CADPS2: variants seen among roughly 807,000 people sequenced by gnomAD.
The protein encoded by CADPS2 is calcium dependent secretion activator 2.
A neutral mutation model predicts 172.5 loss-of-function variants in CADPS2; 93 were observed. The ratio of observed to expected loss-of-function variants is 0.54; its 90% CI spans 0.46 to 0.64. The LOEUF (loss-of-function observed/expected upper bound fraction) is 0.64. Among genes scored for constraint, CADPS2 ranks in the 30% least tolerant of loss-of-function variants. The probability of loss-of-function intolerance (pLI) is 0.00; values close to 1 mark genes in which losing one functional copy is unlikely to be tolerated. For missense variants in CADPS2, 1,420 were observed against 1,565.9 expected, an observed-to-expected ratio of 0.91 and a Z score of 1.57; for synonymous variants, 546 against 555.2, an observed-to-expected ratio of 0.98 and a Z score of 0.23.
rs144338281 is a variant in CADPS2 at position 122,374,408 on chromosome 7, CAAATAAAATA to C, written c.3387+4950_3387+4959del. ...GGGAGTCCTAGCCAAAGTAAGTAGA[CAAATAAAATA>C]AAATAAAATAAAATAAATAAGTAAA... On this transcript the variant is annotated intron_variant, in intron 25 of 29. Transcript: ENST00000449022. Among the ~76,000 whole-genome samples, 36 of 147,652 alleles carry C rather than the reference CAAATAAAATA, an allele frequency of 2.4e-4. No homozygotes were observed. In the East Asian group the frequency reaches 5.5e-3, roughly 23 times the overall value.
intron 3 of CADPS2, among the ~76,000 whole-genome samples, chr7:122,649,214 T>C (rs906960912): frequency 1.3e-5 from 2 of 152,130 alleles, no homozygotes; most frequent in Non-Finnish European, 2.9e-5. Flanking sequence ...ATCCATTTCA[T>C]GATCCTCATG....
intron 24 of CADPS2, among the ~76,000 whole-genome samples, chr7:122,380,397 T>C (rs2042852743): frequency 6.6e-6 from 1 of 152,066 alleles, no homozygotes; most frequent in African/African-American, 2.4e-5. Flanking sequence ...AGTACTCAGG[T>C]CAATATAAAC....
chr7:122,478,700 G>A (rs1451775522), intron 12 of CADPS2, among the ~76,000 whole-genome samples: 1 of 152,118 alleles, frequency 6.6e-6, no homozygotes, highest in African/African-American at 2.4e-5. Context: ...AGGTGGCATA[G>A]AAAATGATGT....
intron 2 of CADPS2, among the ~76,000 whole-genome samples, chr7:122,692,419 G>A (rs1176819028): frequency 6.6e-6 from 1 of 152,214 alleles, no homozygotes. Context: ...CTGCAGCACA[G>A]TTACAAACGC....
intron 7 of CADPS2, among the ~76,000 whole-genome samples, chr7:122,575,328 T>C (rs1043352336): frequency 1.3e-5 from 2 of 152,086 alleles, no homozygotes; most frequent in African/African-American, 2.4e-5. Context: ...ACTCTGAATA[T>C]TGACTGCATA....
At chr7:122,813,653 A>G (rs947512627) in intron 1 of CADPS2, among the ~76,000 whole-genome samples, 5 of 152,130 alleles carry the variant, frequency 3.3e-5, no homozygotes, top group African/African-American at 1.2e-4. Flanking sequence ...GCAAAGGGGC[A>G]TTCTGACAAT....
chr7:122,492,198 A>AAATT (rs1180227164), intron 9 of CADPS2, among the ~76,000 whole-genome samples: 1 of 151,846 alleles, frequency 6.6e-6, no homozygotes, highest in Non-Finnish European at 1.5e-5. Context: ...ATAAATAAAT[A>AAATT]AATTAATTAA....
chr7:122,397,805 C>T (rs2045355618), intron 20 of CADPS2, among the ~76,000 whole-genome samples: 1 of 152,088 alleles, frequency 6.6e-6, no homozygotes, highest in Non-Finnish European at 1.5e-5. Context: ...TTGTAAGAGG[C>T]AAGTTCTTAA....
intron 1 of CADPS2, among the ~76,000 whole-genome samples, chr7:122,769,692 A>G (rs1054234845): frequency 2.6e-5 from 4 of 152,226 alleles, no homozygotes; most frequent in Admixed American, 2.6e-4. Context: ...AGTGGATTAA[A>G]TACCTTCACC....
At chr7:122,533,841 T>C (rs965818384) in intron 8 of CADPS2, among the ~76,000 whole-genome samples, 2 of 152,202 alleles carry the variant, frequency 1.3e-5, no homozygotes, top group African/African-American at 4.8e-5. Context: ...CTAATCAGTG[T>C]ATCCATATGC....
At chr7:122,526,841 A>C (rs746261090) in intron 8 of CADPS2, among the ~76,000 whole-genome samples, 34 of 151,998 alleles carry the variant, frequency 2.2e-4, no homozygotes, top group Admixed American at 7.9e-4. Flanking sequence ...TTTACTCCCC[A>C]CACAAGACTG....
intron 8 of CADPS2, among the ~76,000 whole-genome samples, chr7:122,542,882 T>C (rs13226509): frequency 0.11 from 16,178 of 152,034 alleles, 1,053 homozygotes; most frequent in African/African-American, 0.18. Flanking sequence ...CATAAACACA[T>C]ACAGTTCTCA....
At chr7:122,351,797 A>T (rs1382941057) in intron 27 of CADPS2, among the ~76,000 whole-genome samples, 1 of 152,200 alleles carries the variant, frequency 6.6e-6, no homozygotes, top group Non-Finnish European at 1.5e-5. Flanking sequence ...TTAGGTAGTC[A>T]TATTACTTTT....
intron 28 of CADPS2, among the ~76,000 whole-genome samples, chr7:122,330,374 A>T (rs1487475981): frequency 6.6e-6 from 1 of 152,178 alleles, no homozygotes; most frequent in Non-Finnish European, 1.5e-5. Context: ...ATGCACTACA[A>T]TTTCACCAGT....
chr7:122,358,529 A>G (rs189550051), intron 27 of CADPS2, among the ~76,000 whole-genome samples: 3 of 152,130 alleles, frequency 2.0e-5, no homozygotes, highest in Admixed American at 2.0e-4. Context: ...TCATCACCAA[A>G]TCCAAGGCCA....
chr7:122,470,298 G>C (rs773478684), intron 14 of CADPS2, among the ~76,000 whole-genome samples: 33 of 151,868 alleles, frequency 2.2e-4, no homozygotes, highest in African/African-American at 5.3e-4. Context: ...GAATGTTAAG[G>C]GGCACTATGG....
In CADPS2 at chr7:122,619,310, A is replaced by G. The variant is rs2075310481; in HGVS notation, c.1104+2171T>C. On this transcript the variant is annotated intron_variant, in intron 5 of 29. Transcript: ENST00000449022. ...AAATTATAAAAGTTATTTGCTCTAC[A>G]AATTATTTTTTTCATCAATAAATTT... 2.0e-5 allele frequency among the ~76,000 whole-genome samples: 3 copies of G among 152,146 alleles called. No individual in the cohort carries two copies. The South Asian group carries it at 6.2e-4, about 32-fold the overall frequency.
chr7:122,568,495 A>G (rs1463856065), intron 7 of CADPS2, among the ~76,000 whole-genome samples: 1 of 152,156 alleles, frequency 6.6e-6, no homozygotes, highest in African/African-American at 2.4e-5. Flanking sequence ...GCTATATAAT[A>G]TAATATTTAC....
intron 3 of CADPS2, among the ~76,000 whole-genome samples, chr7:122,654,476 G>T (rs989051982): frequency 3.9e-5 from 6 of 152,170 alleles, no homozygotes; most frequent in Non-Finnish European, 8.8e-5. Flanking sequence ...TTACTATTCT[G>T]AAAACATGAG....
Sources: allele counts gnomAD v4.1 joint callset (sites outside exome capture counted in the v4.1 genomes callset), GRCh38; gene constraint gnomAD v4.1.1; transcripts MANE v1.5; gene names NCBI Gene and HGNC (gene_info 2026-07-23, HGNC 2026-07-21).